Variants in SARDH observed in about 807,000 individuals in gnomAD.
The protein encoded by SARDH is sarcosine dehydrogenase, mitochondrial.
Under a neutral mutation model 109.1 loss-of-function variants are expected in SARDH, and 95 were observed. That is an observed-to-expected ratio of 0.87 (90% confidence interval 0.74 to 1.03). The LOEUF is 1.03. Among genes scored for constraint, SARDH ranks in the 50% least tolerant of loss-of-function variants. SARDH has a pLI of 0.00. For synonymous variants in SARDH, 572 were observed against 534.8 expected (o/e 1.07, Z -0.96); for missense variants, 1,267 against 1,287.8 (o/e 0.98, Z 0.25).
rs576950925 is a variant in SARDH, at chr9:133,727,345, C to T, written c.915+2420G>A. Among the ~76,000 whole-genome samples the T allele has an allele frequency of 4.6e-5, 7 of 152,348 alleles. No homozygotes were observed. The South Asian group carries it at 1.2e-3, about 27-fold the overall frequency. On this transcript the variant is annotated intron_variant, in intron 6 of 20. Transcript: ENST00000439388. ...TCACCTGCCAGCTGGAGCCCCCAGG[C>T]CCCAATGTGTGTGGCTGTGTCTGAT...
chr9:133,659,895 A>C (rs1270240978), downstream of SARDH, among the ~76,000 whole-genome samples: 1 of 152,010 alleles, frequency 6.6e-6, no homozygotes, highest in East Asian at 2.0e-4. Context: ...CAGCCCAGAG[A>C]AGGGTCCCAG....
At chr9:133,731,936 A>T (rs542379235) in intron 3 of SARDH, among the ~76,000 whole-genome samples, 3 of 152,136 alleles carry the variant, frequency 2.0e-5, no homozygotes, top group Non-Finnish European at 4.4e-5. Context: ...TCAGACTGTC[A>T]GATAGACCAC....
In SARDH at chr9:133,695,049, A is replaced by G. The variant is rs150870416; in HGVS notation, c.1808-678T>C. ...GTGTCCCCCACAAAAGATATGTGAAAGTCCTCACCAGGACTGGGAGTGTGA... is the reference window on the plus strand; with the variant it reads ...GTGTCCCCCACAAAAGATATGTGAAGGTCCTCACCAGGACTGGGAGTGTGA... On this transcript the variant is annotated intron_variant, in intron 14 of 20. Transcript: ENST00000439388. Among the ~76,000 whole-genome samples the G allele has an allele frequency of 3.1e-3, 467 of 152,270 alleles. 5 individuals carry two copies. Among genetic ancestry groups the G allele is most frequent in the Non-Finnish European group, 2.7e-3 (184 of 68,018 alleles).
At chr9:133,696,546 G>A (rs1831296161) in intron 13 of SARDH, among the ~76,000 whole-genome samples, 185 bp from the exon 14 acceptor site, 1 of 152,134 alleles carries the variant, frequency 6.6e-6, no homozygotes, top group Admixed American at 6.6e-5. Flanking sequence ...CCAAGCACAG[G>A]ACATGCTCCC....
At chr9:133,670,501 T>C (rs1191728639) in intron 19 of SARDH, 83 bp downstream of exon 19, 4 of 1,437,616 alleles carry the variant, frequency 2.8e-6, no homozygotes, top group Non-Finnish European at 3.8e-6. Context: ...ACCAGGGGCT[T>C]TGAGTGGGGG....
At chr9:133,710,897 G>A (rs1831894200) in intron 10 of SARDH, among the ~76,000 whole-genome samples, 1 of 152,254 alleles carries the variant, frequency 6.6e-6, no homozygotes. Flanking sequence ...CAGCCAGGCT[G>A]CTTGGCAGGG....
chr9:133,671,769 C>T, intron 17 of SARDH, 72 bp from the exon 18 acceptor site: 1 of 1,478,058 alleles, frequency 6.8e-7, no homozygotes, highest in African/African-American at 1.4e-5. Context: ...CCACCACTTC[C>T]TGGTGGCAGC....
chr9:133,725,690 AAAAC>A (rs150689824), intron 6 of SARDH: 2 of 258,512 alleles, frequency 7.7e-6, no homozygotes, highest in South Asian at 3.5e-5. Flanking sequence ...AAAACAAAAC[AAAAC>A]AAACAAACAA....
chr9:133,727,087 A>G (rs1033238251), intron 6 of SARDH, among the ~76,000 whole-genome samples: 22 of 152,170 alleles, frequency 1.4e-4, no homozygotes, highest in African/African-American at 5.3e-4. Context: ...GCTCCTTGCC[A>G]CTGCAAAAGT....
chr9:133,702,922 G>T lies in SARDH; in HGVS notation c.1662C>A (p.His554Gln). 1 of 1,611,876 alleles carries T rather than the reference G, an allele frequency of 6.2e-7. No homozygotes were observed. Reference protein sequence around the residue: ...DEYTFAFPPHHDTIKKECLAC... With the variant: ...DEYTFAFPPHQDTIKKECLAC... ...GTGGACCCCAGCTACGCACCGTGTC[G>T]TGGTGGGGCGGGAAGGCGAAGGTGT... The change falls in exon 13 of 21, where the codon CAC (histidine) becomes CAA (glutamine). Residue 554 changes from histidine (H) to glutamine (Q), a missense_variant. By Grantham distance (24) the His-to-Gln change is conservative. Transcript: ENST00000439388.
At chr9:133,705,853 C>T (rs1050942220) in intron 11 of SARDH, among the ~76,000 whole-genome samples, 5 of 152,294 alleles carry the variant, frequency 3.3e-5, no homozygotes, top group Admixed American at 1.3e-4. Context: ...TAATCCCATA[C>T]GGCTGGAGCC....
chr9:133,687,279 T>C (rs1464178017), intron 16 of SARDH, among the ~76,000 whole-genome samples: 2 of 152,124 alleles, frequency 1.3e-5, no homozygotes, highest in African/African-American at 2.4e-5. Context: ...TTGTTTTGTT[T>C]CATTTTGGCT....
rs760300708 is a variant in SARDH at position 133,696,404 on chromosome 9, G to T, written c.1669-43C>A. ...GGTGGGAATGCCACGGGGGCCTTTG[G>T]GGTGTGCTTCTTCCTCAAGAACGTG... On this transcript the variant is annotated intron_variant, in intron 13 of 20. Transcript: ENST00000439388. The T allele has an allele frequency of 2.6e-5, 42 of 1,613,006 alleles. No individual in the cohort carries two copies. In the African/African-American group the frequency reaches 5.5e-4, roughly 21 times the overall value.
At position 133,702,918 on chromosome 9, in the gene SARDH, T is replaced by TGTC. The variant is rs1249445463; in HGVS notation, c.1663_1665dup (p.Asp555dup). 1.9e-6 allele frequency: 3 copies of TGTC among 1,611,206 alleles called. No individual in the cohort carries two copies. The African/African-American group carries it at 4.0e-5, about 22-fold the overall frequency. On this transcript the variant is annotated inframe_insertion, in exon 13 of 21. Coordinates refer to ENST00000439388, the MANE Select transcript of SARDH (RefSeq NM_001134707.2). Reference sequence around the variant, plus strand: ...CACGGTGGACCCCAGCTACGCACCGTGTCGTGGTGGGGCGGGAAGGCGAAG... The same window carrying TGTC: ...CACGGTGGACCCCAGCTACGCACCGTGTCGTCGTGGTGGGGCGGGAAGGCGAAG...
intron 11 of SARDH, among the ~76,000 whole-genome samples, chr9:133,706,011 G>A (rs1449049880): frequency 6.6e-6 from 1 of 152,114 alleles, no homozygotes; most frequent in Non-Finnish European, 1.5e-5. Flanking sequence ...AGAAATGTGG[G>A]GAAAAAAAAG....
downstream of SARDH, among the ~76,000 whole-genome samples, chr9:133,659,914 C>CCAAA (rs781546181): frequency 6.6e-6 from 1 of 152,094 alleles, no homozygotes; most frequent in Non-Finnish European, 1.5e-5. Flanking sequence ...AGGGTCCTGC[C>CCAAA]CAAACACCTG....
At chr9:133,732,095 G>A (rs959887780) in intron 3 of SARDH, among the ~76,000 whole-genome samples, 4 of 152,188 alleles carry the variant, frequency 2.6e-5, no homozygotes, top group Non-Finnish European at 5.9e-5. Context: ...GGCACAGCCA[G>A]CAAGGGGCAG....
At chr9:133,720,728 T>C (rs1305532504) in intron 6 of SARDH, among the ~76,000 whole-genome samples, 1 of 152,188 alleles carries the variant, frequency 6.6e-6, no homozygotes, top group Non-Finnish European at 1.5e-5. Context: ...ATGAGAACAG[T>C]ATGGGGGAAA....
chr9:133,719,520 C>T lies in SARDH; in HGVS notation c.916-478G>A, dbSNP rs192451857. Among the ~76,000 whole-genome samples, 112 of 152,226 alleles carry T rather than the reference C, an allele frequency of 7.4e-4. No individual in the cohort carries two copies. The Middle Eastern group carries it at 0.014, about 18-fold the overall frequency. ...GCCTCCTCTTGAATCTTCAGAGCCA[C>T]CCCAGGTCCCTCTTCAGGGGGTGAT... On this transcript the variant is annotated intron_variant, in intron 6 of 20. Coordinates refer to ENST00000439388, the MANE Select transcript of SARDH (RefSeq NM_001134707.2).
Sources: allele counts gnomAD v4.1 joint callset (sites outside exome capture counted in the v4.1 genomes callset), GRCh38; gene constraint gnomAD v4.1.1; transcripts MANE v1.5; gene names NCBI Gene and HGNC (gene_info 2026-07-23, HGNC 2026-07-21).